Variants in CCDC7 observed in about 807,000 individuals in gnomAD.
CCDC7 encodes the protein coiled-coil domain-containing protein 7.
Under a neutral mutation model 196.9 loss-of-function variants are expected in CCDC7, and 183 were observed. That is an observed-to-expected ratio of 0.93 (90% CI 0.82 to 1.05). The LOEUF is 1.05. Ranked by LOEUF, CCDC7 falls within the 50% of genes least tolerant of loss-of-function variation. The pLI, the probability that CCDC7 is intolerant of heterozygous loss-of-function variation, is 0.00. For synonymous variants in CCDC7, 525 were observed against 484.6 expected (o/e 1.08, Z -1.10); for missense variants, 1,540 against 1,482.2 (o/e 1.04, Z -0.64).
chr10:32,516,320 C>T (rs2047022547), intron 9 of CCDC7, among the ~76,000 whole-genome samples: 1 of 151,608 alleles, frequency 6.6e-6, no homozygotes, highest in African/African-American at 2.4e-5. Context: ...TGGAGTCTCG[C>T]TCTGTTGTCC....
chr10:32,584,705 A>T lies in CCDC7; in HGVS notation c.1801+401A>T, dbSNP rs550738358. 7.3e-4 allele frequency among the ~76,000 whole-genome samples: 104 copies of T among 143,248 alleles called. 1 individual carries two copies. Among genetic ancestry groups the T allele is most frequent in the Admixed American group, 1.5e-3 (20 of 13,792 alleles). 94.0% of individuals were successfully genotyped at this position (143,248 alleles called of 152,430 possible). ...GAGGTGGAGGTTGCAGTGAGCCGAG[A>T]TCACGCCACTGCACTCCAGCCTGGG... is the stretch of plus-strand genomic sequence containing the variant. On this transcript the variant is annotated intron_variant, in intron 18 of 41. Coordinates refer to ENST00000639629, the Ensembl canonical transcript of CCDC7.
intron 41 of CCDC7, among the ~76,000 whole-genome samples, chr10:32,865,810 T>G (rs2136624867): frequency 6.6e-6 from 1 of 151,986 alleles, no homozygotes; most frequent in Middle Eastern, 3.4e-3. Flanking sequence ...ATCCTTTTTG[T>G]GCATTTTAAG....
chr10:32,721,825 A>G (rs2082453075), intron 25 of CCDC7, among the ~76,000 whole-genome samples: 1 of 152,136 alleles, frequency 6.6e-6, no homozygotes, highest in African/African-American at 2.4e-5. Context: ...GATGTCTTCA[A>G]TATAGTAGAA....
chr10:32,540,924 G>A (rs1564593644), intron 11 of CCDC7, among the ~76,000 whole-genome samples: 2 of 152,226 alleles, frequency 1.3e-5, no homozygotes, highest in South Asian at 2.1e-4. Flanking sequence ...CCTCTCTAGC[G>A]AGGTTGGGTA....
intron 3 of CCDC7, among the ~76,000 whole-genome samples, chr10:32,459,558 T>G (rs1368139872): frequency 6.6e-6 from 1 of 151,612 alleles, no homozygotes; most frequent in Non-Finnish European, 1.5e-5. Flanking sequence ...TTTATTGATG[T>G]GGCATTGCTT....
chr10:32,728,989 GAC>G lies in CCDC7; in HGVS notation c.2775_2776del (p.His925GlnfsTer15). 2 of 1,576,562 alleles carry G rather than the reference GAC, an allele frequency of 1.3e-6. No homozygotes were observed. Among genetic ancestry groups the G allele is most frequent in the Non-Finnish European group, 1.7e-6 (2 of 1,148,408 alleles). ...AAACAAATAAATTCTGGAGTGGAAA[GAC>G]ACAAGAGTGAGTATAATAATTATCG... On this transcript the variant is annotated frameshift_variant, in exon 27 of 42. Transcript: ENST00000639629. LOFTEE classifies it high-confidence loss of function.
At chr10:32,582,586 C>A (rs925358986) in intron 16 of CCDC7, among the ~76,000 whole-genome samples, 1 of 152,090 alleles carries the variant, frequency 6.6e-6, no homozygotes, top group East Asian at 1.9e-4. Context: ...AGAAAACTAA[C>A]TCAGAGCTTG....
intron 28 of CCDC7, among the ~76,000 whole-genome samples, chr10:32,738,207 A>G (rs957591938): frequency 2.6e-5 from 4 of 152,104 alleles, no homozygotes; most frequent in South Asian, 2.1e-4. Flanking sequence ...AAAATTTTGT[A>G]TAGTGGTTTC....
At chr10:32,865,517 G>T (rs549817601) in intron 41 of CCDC7, among the ~76,000 whole-genome samples, 1 of 151,772 alleles carries the variant, frequency 6.6e-6, no homozygotes, top group African/African-American at 2.4e-5. Context: ...GGTGTAAAAT[G>T]GTACAACTAC....
chr10:32,685,074 G>T (rs2076314465), intron 21 of CCDC7, among the ~76,000 whole-genome samples: 1 of 151,768 alleles, frequency 6.6e-6, no homozygotes, highest in Non-Finnish European at 1.5e-5. Context: ...CATCTTGTAG[G>T]TAATCAACTA....
chr10:32,697,062 T>C (rs1311717318), intron 24 of CCDC7, among the ~76,000 whole-genome samples: 1 of 152,130 alleles, frequency 6.6e-6, no homozygotes, highest in East Asian at 1.9e-4. Flanking sequence ...CATTGTAATA[T>C]GTAATGAAAT....
intron 9 of CCDC7, among the ~76,000 whole-genome samples, chr10:32,510,754 C>T (rs1300307337): frequency 6.6e-6 from 1 of 151,918 alleles, no homozygotes; most frequent in Non-Finnish European, 1.5e-5. Context: ...GACATAGAGG[C>T]AACATGCCAA....
At chr10:32,500,475 C>G (rs1403400072) in intron 9 of CCDC7, among the ~76,000 whole-genome samples, 1 of 151,982 alleles carries the variant, frequency 6.6e-6, no homozygotes, top group East Asian at 1.9e-4. Flanking sequence ...GTGCTCCCCA[C>G]ATCCCAGACG....
At chr10:32,783,902 A>G (rs958772335) in intron 29 of CCDC7, among the ~76,000 whole-genome samples, 1 of 152,228 alleles carries the variant, frequency 6.6e-6, no homozygotes, top group Non-Finnish European at 1.5e-5. Flanking sequence ...CAAAAGATAA[A>G]TATTGTATCT....
chr10:32,869,076 A>G lies in CCDC7; in HGVS notation c.4112-7271A>G, dbSNP rs369169364. 5.3e-5 allele frequency among the ~76,000 whole-genome samples: 8 copies of G among 152,274 alleles called. No individual in the cohort carries two copies. The East Asian group carries it at 1.5e-3, about 29-fold the overall frequency. ...CAGCATGATTTATAATCCTTTGGGTATATACCCAGTAATGGGATTGCTGGG... is the reference window on the plus strand; with the variant it reads ...CAGCATGATTTATAATCCTTTGGGTGTATACCCAGTAATGGGATTGCTGGG... On this transcript the variant is annotated intron_variant, in intron 41 of 41. Transcript: ENST00000639629.
intron 28 of CCDC7, among the ~76,000 whole-genome samples, chr10:32,748,382 T>A (rs975402809): frequency 1.1e-4 from 16 of 152,168 alleles, no homozygotes; most frequent in African/African-American, 3.6e-4. Flanking sequence ...AACATGTAAC[T>A]TTTGTACATT....
chr10:32,701,389 C>T (rs2078695562), intron 24 of CCDC7, among the ~76,000 whole-genome samples: 1 of 152,160 alleles, frequency 6.6e-6, no homozygotes, highest in Admixed American at 6.5e-5. Context: ...GGTGGATAAG[C>T]TTTCTGATGT....
At chr10:32,724,304 GTTCTT>G (rs1320325163) in intron 25 of CCDC7, among the ~76,000 whole-genome samples, 1 of 152,080 alleles carries the variant, frequency 6.6e-6, no homozygotes, top group African/African-American at 2.4e-5. Flanking sequence ...GATCCTCGGG[GTTCTT>G]TTCTTTTCTA....
At chr10:32,638,921 C>T (rs1171715039) in intron 20 of CCDC7, among the ~76,000 whole-genome samples, 1 of 152,146 alleles carries the variant, frequency 6.6e-6, no homozygotes, top group Non-Finnish European at 1.5e-5. Context: ...TGTTATTGGT[C>T]TATTCAGAGA....
Sources: gnomAD v4.1 joint callset for allele counts (sites outside exome capture counted in the v4.1 genomes callset) on GRCh38, gnomAD v4.1.1 for gene constraint, MANE v1.5 for transcripts, NCBI Gene and HGNC (gene_info 2026-07-23, HGNC 2026-07-21) for gene names.